Variants in TMEM178B observed in about 807,000 individuals in gnomAD.
TMEM178B encodes transmembrane protein 178B.
TMEM178B carries 5 observed loss-of-function variants against 31.0 expected under a neutral mutation model. That is an observed-to-expected ratio of 0.16 (90% CI 0.08 to 0.34). The LOEUF is 0.34. TMEM178B is among the 10% of genes least tolerant of loss of function. TMEM178B has a pLI of 1.00. For missense variants in TMEM178B, 275 were observed against 400.3 expected (o/e 0.69, Z 2.67); for synonymous variants, 164 against 164.0 (o/e 1.00, Z 0.00).
chr7:141,294,391 G>A (rs993232196), intron 2 of TMEM178B, among the ~76,000 whole-genome samples: 2 of 152,192 alleles, frequency 1.3e-5, no homozygotes, highest in Non-Finnish European at 1.5e-5. Context: ...CCCAAAGCAA[G>A]AAGCAGCAGG....
In TMEM178B at chr7:141,371,249, G is replaced by A. The variant is rs557859890; in HGVS notation, c.497-66359G>A. Among the ~76,000 whole-genome samples, 9 of 152,198 alleles carry A rather than the reference G, an allele frequency of 5.9e-5. No homozygotes were observed. The South Asian group carries it at 1.0e-3, about 18-fold the overall frequency. On this transcript the variant is annotated intron_variant, in intron 2 of 3. Transcript: ENST00000565468. Reference sequence around the variant, plus strand: ...ATGAATAGACTAATGCCCTTCCTTGGGGGTAAGTGAGTTCTCACTCTATTA... The same window carrying A: ...ATGAATAGACTAATGCCCTTCCTTGAGGGTAAGTGAGTTCTCACTCTATTA...
At chr7:141,442,192 CA>C (rs1473210501) in intron 3 of TMEM178B, among the ~76,000 whole-genome samples, 1 of 152,156 alleles carries the variant, frequency 6.6e-6, no homozygotes, top group Non-Finnish European at 1.5e-5. Context: ...GCATAAACAT[CA>C]ACGTATGCCC....
intron 2 of TMEM178B, among the ~76,000 whole-genome samples, chr7:141,274,894 C>A (rs1156356600): frequency 6.6e-6 from 1 of 152,194 alleles, no homozygotes; most frequent in Non-Finnish European, 1.5e-5. Context: ...GGATGAAACC[C>A]AGACTCCAAC....
At chr7:141,429,921 C>T (rs1801392457) in intron 2 of TMEM178B, 2 of 152,328 alleles carry the variant, frequency 1.3e-5, no homozygotes, top group South Asian at 2.1e-4. Flanking sequence ...TTATGGAATT[C>T]GCTGTTTTAG....
chr7:141,175,742 C>T (rs1796423104), intron 1 of TMEM178B, among the ~76,000 whole-genome samples: 1 of 152,062 alleles, frequency 6.6e-6, no homozygotes, highest in African/African-American at 2.4e-5. Flanking sequence ...TGGGAGTTCA[C>T]TCATGATTTG....
chr7:141,280,970 G>A (rs1260562697), intron 2 of TMEM178B, among the ~76,000 whole-genome samples: 3 of 152,150 alleles, frequency 2.0e-5, no homozygotes, highest in Non-Finnish European at 4.4e-5. Flanking sequence ...ACTATTTCAG[G>A]GAATCTAGGG....
chr7:141,401,709 A>C (rs2116620298), intron 2 of TMEM178B, among the ~76,000 whole-genome samples: 1 of 152,214 alleles, frequency 6.6e-6, no homozygotes, highest in East Asian at 1.9e-4. Flanking sequence ...CCCAGCCTGC[A>C]GTTATCTTTT....
At chr7:141,485,310 C>T (rs1296374663), downstream of TMEM178B, among the ~76,000 whole-genome samples, 5 of 152,162 alleles carry the variant, frequency 3.3e-5, no homozygotes, top group Non-Finnish European at 5.9e-5. Context: ...GTTTAACTCA[C>T]GGTTACACGT....
intron 3 of TMEM178B, among the ~76,000 whole-genome samples, chr7:141,453,792 A>G (rs956875992): frequency 1.3e-5 from 2 of 152,224 alleles, no homozygotes; most frequent in East Asian, 3.8e-4. Flanking sequence ...ACTTTTCAGA[A>G]GCAGTATGCC....
At chr7:141,240,458 T>C (rs1347632204) in intron 2 of TMEM178B, among the ~76,000 whole-genome samples, 3 of 152,258 alleles carry the variant, frequency 2.0e-5, no homozygotes, top group Admixed American at 6.5e-5. Context: ...CAGCTTAGGC[T>C]GCAAAAGTAG....
chr7:141,152,678 C>T (rs1002818431), intron 1 of TMEM178B, among the ~76,000 whole-genome samples: 3 of 152,162 alleles, frequency 2.0e-5, no homozygotes, highest in Non-Finnish European at 4.4e-5. Flanking sequence ...TCCAGTGGTT[C>T]AGTGGGGGGC....
downstream of TMEM178B, among the ~76,000 whole-genome samples, chr7:141,483,168 G>T (rs1447748367): frequency 6.6e-6 from 1 of 152,210 alleles, no homozygotes; most frequent in African/African-American, 2.4e-5. Context: ...ATCTCCAGGA[G>T]CCAAAGGCCA....
At chr7:141,251,340 A>C (rs1043585544) in intron 2 of TMEM178B, among the ~76,000 whole-genome samples, 1 of 152,022 alleles carries the variant, frequency 6.6e-6, no homozygotes, top group African/African-American at 2.4e-5. Flanking sequence ...AGTGCATTAC[A>C]GACAGATATG....
intron 2 of TMEM178B, among the ~76,000 whole-genome samples, chr7:141,399,222 C>T (rs183549202): frequency 2.0e-5 from 3 of 152,314 alleles, no homozygotes; most frequent in Non-Finnish European, 4.4e-5. Flanking sequence ...TCTCAAAGCA[C>T]GGCACAGGCC....
chr7:141,078,107 G>A (rs902782928), intron 1 of TMEM178B, among the ~76,000 whole-genome samples: 17 of 152,204 alleles, frequency 1.1e-4, no homozygotes, highest in African/African-American at 4.1e-4. Flanking sequence ...TTGTCTTCTT[G>A]CTTTTAAATC....
chr7:141,095,191 G>A (rs1248684506), intron 1 of TMEM178B, among the ~76,000 whole-genome samples: 5 of 152,184 alleles, frequency 3.3e-5, no homozygotes, highest in African/African-American at 7.2e-5. Flanking sequence ...GAAAAGCTGT[G>A]TATGTTCTGG....
intron 2 of TMEM178B, among the ~76,000 whole-genome samples, chr7:141,311,223 G>T (rs1463850340): frequency 1.3e-5 from 2 of 152,162 alleles, no homozygotes; most frequent in Non-Finnish European, 2.9e-5. Context: ...ATGGGTTGAT[G>T]GGTGCAGCAA....
intron 2 of TMEM178B, among the ~76,000 whole-genome samples, chr7:141,384,762 T>C (rs547833953): frequency 7.9e-4 from 120 of 152,284 alleles, no homozygotes; most frequent in African/African-American, 2.6e-3. Flanking sequence ...AGAAAGTCAT[T>C]GGTAGCTTTT....
At chr7:141,379,576 T>G (rs1256413352) in intron 2 of TMEM178B, among the ~76,000 whole-genome samples, 1 of 152,152 alleles carries the variant, frequency 6.6e-6, no homozygotes, top group African/African-American at 2.4e-5. Flanking sequence ...CAACTTGGTT[T>G]GTTATTATTT....
Sources: allele counts gnomAD v4.1 joint callset (sites outside exome capture counted in the v4.1 genomes callset), GRCh38; gene constraint gnomAD v4.1.1; transcripts MANE v1.5; gene names NCBI Gene and HGNC (gene_info 2026-07-23, HGNC 2026-07-21).